PHAX: variants seen among roughly 807,000 people sequenced by gnomAD.
The protein encoded by PHAX is phosphorylated adapter RNA export protein.
PHAX carries 31 observed loss-of-function variants against 41.6 expected under a neutral mutation model. The observed-to-expected ratio is 0.75, with a 90% CI of 0.56 to 1.01. PHAX has a LOEUF of 1.01. Ranked by LOEUF, PHAX falls within the 50% of genes least tolerant of loss-of-function variation. The pLI, the probability that PHAX is intolerant of heterozygous loss-of-function variation, is 0.00. For missense variants in PHAX, 453 were observed against 472.9 expected (o/e 0.96, Z 0.39); for synonymous variants, 175 against 164.9 (o/e 1.06, Z -0.47).
intron 2 of PHAX, 38 bp from the exon 3 acceptor site, chr5:126,608,325 CA>C: frequency 6.3e-7 from 1 of 1,590,582 alleles, no homozygotes; most frequent in Non-Finnish European, 8.6e-7. Context: ...CAACTTTGTA[CA>C]ACAAACAAAG....
chr5:126,621,331 G>A lies in PHAX; in HGVS notation c.916-3244G>A, dbSNP rs550131059. Among the ~76,000 whole-genome samples the A allele has an allele frequency of 1.2e-4, 19 of 152,196 alleles. No homozygotes were observed. The South Asian group carries it at 3.7e-3, about 30-fold the overall frequency. Reference sequence around the variant, plus strand: ...AGCCTCCTTAGTAGCTGGGACTGTAGGGCACATGCCATCACTCTCAGCTTA... The same window carrying A: ...AGCCTCCTTAGTAGCTGGGACTGTAAGGCACATGCCATCACTCTCAGCTTA... On this transcript the variant is annotated intron_variant, in intron 4 of 4. Coordinates refer to ENST00000297540, the MANE Select transcript of PHAX (RefSeq NM_032177.4).
chr5:126,608,249 AT>A (rs1561679780), intron 2 of PHAX, 114 bp from the exon 3 acceptor site: 2 of 1,226,080 alleles, frequency 1.6e-6, no homozygotes, highest in African/African-American at 3.1e-5. Flanking sequence ...AATATTGAAG[AT>A]TTAGAAAACC....
intron 3 of PHAX, among the ~76,000 whole-genome samples, chr5:126,616,028 C>A (rs963596576): frequency 6.6e-6 from 1 of 150,432 alleles, no homozygotes; most frequent in Admixed American, 6.6e-5. Flanking sequence ...TGGTGGCTAC[C>A]CAGTAGCTCA....
intron 4 of PHAX, 26 bp downstream of exon 4, chr5:126,617,359 A>G (rs2112836204): frequency 7.2e-7 from 1 of 1,392,222 alleles, no homozygotes; most frequent in Non-Finnish European, 1.0e-6. Context: ...TCACCTCTTA[A>G]GCGCCATCAT....
rs1418097945 is a variant in PHAX, at chr5:126,624,930, T to C, written c.*86T>C. On this transcript the variant is annotated 3_prime_UTR_variant, in exon 5 of 5. Coordinates refer to ENST00000297540, the MANE Select transcript of PHAX (RefSeq NM_032177.4). ...TTACTGAGATTGCAACGTTTTGCAC[T>C]GATAAACATGAGAATCTGGAGGAAA... 4 of 1,166,548 alleles carry C rather than the reference T, an allele frequency of 3.4e-6. No individual in the cohort carries two copies. The highest frequency in any genetic ancestry group is 4.8e-6 in the Non-Finnish European group (4 of 827,802). 72.3% of individuals were successfully genotyped at this position (1,166,548 alleles called of 1,614,324 possible). A position where few individuals can be genotyped will look rare whatever the true frequency, so the allele number is the denominator to read the frequency against.
In PHAX at chr5:126,609,332, C is replaced by T. The variant is rs186681540; in HGVS notation, c.831+848C>T. Among the ~76,000 whole-genome samples the T allele has an allele frequency of 1.4e-3, 212 of 151,832 alleles. 1 individual carries two copies. Among genetic ancestry groups the T allele is most frequent in the African/African-American group, 4.8e-3 (200 of 41,396 alleles). Reference sequence around the variant, plus strand: ...CCCAGGCTGGTCTCAAACTCCTGACCTTAGGCAATCCACCCAGCTCGGCCT... The same window carrying T: ...CCCAGGCTGGTCTCAAACTCCTGACTTTAGGCAATCCACCCAGCTCGGCCT... On this transcript the variant is annotated intron_variant, in intron 3 of 4. Transcript: ENST00000297540.
At position 126,616,786 on chromosome 5, in the gene PHAX, A is replaced by G. The variant is rs188161839; in HGVS notation, c.832-464A>G. Among the ~76,000 whole-genome samples the G allele has an allele frequency of 3.6e-4, 54 of 151,872 alleles. No homozygotes were observed. In the East Asian group the frequency reaches 8.5e-3, roughly 24 times the overall value. On this transcript the variant is annotated intron_variant, in intron 3 of 4. Transcript: ENST00000297540. ...TCCCAGCTACTCAGGAGGCTGAGGC[A>G]GGAGAAACGCTTGAACCCCGGAGGG...
intron 3 of PHAX, among the ~76,000 whole-genome samples, chr5:126,614,823 C>G (rs1752159841): frequency 6.6e-6 from 1 of 152,090 alleles, no homozygotes; most frequent in South Asian, 2.1e-4. Context: ...GTGGTGCGAT[C>G]TCGGCTTACT....
In PHAX at chr5:126,604,531, C is replaced by T. The variant is rs549541211; in HGVS notation, c.710+348C>T. Among the ~76,000 whole-genome samples the T allele has an allele frequency of 3.3e-5, 5 of 152,122 alleles. No individual in the cohort carries two copies. The East Asian group carries it at 9.7e-4, about 30-fold the overall frequency. ...CCACCCGCCTTTGCCTCTCAAAGTG[C>T]TGAGATTACAGGCGTGAGCCATGGG... On this transcript the variant is annotated intron_variant, in intron 2 of 4. Coordinates refer to ENST00000297540, the MANE Select transcript of PHAX (RefSeq NM_032177.4).
In PHAX at chr5:126,624,845, G is replaced by A; in HGVS notation, c.*1G>A. On this transcript the variant is annotated 3_prime_UTR_variant, in exon 5 of 5. Transcript: ENST00000297540. ...TTCTCATGATTTGGACATCTTTTAA[G>A]TACATTTTCAACAGTTTGAGGACTA... The A allele has an allele frequency of 6.2e-7, 1 of 1,600,116 alleles. No individual in the cohort carries two copies.
Position 126,625,127 on chromosome 5 carries a change from A to G in PHAX, c.*283A>G, listed in dbSNP as rs1004203204. 5 of 299,644 alleles carry G rather than the reference A, an allele frequency of 1.7e-5. No individual in the cohort carries two copies. The Admixed American group carries it at 2.4e-4, about 15-fold the overall frequency. The allele number at this position is 299,644 out of a possible 1,614,324, so 18.6% of individuals were successfully genotyped here. A position where few individuals can be genotyped will look rare whatever the true frequency, so the allele number is the denominator to read the frequency against. The stretch of plus-strand genomic sequence containing the variant: ...GTTGATAATCAGTTTTGTCTAGGTC[A>G]TAACATACCATTTGTAAGTTTGTTT... On this transcript the variant is annotated 3_prime_UTR_variant, in exon 5 of 5. Coordinates refer to ENST00000297540, the MANE Select transcript of PHAX (RefSeq NM_032177.4).
At chr5:126,608,508 T>G in intron 3 of PHAX, 24 bp downstream of exon 3, 1 of 1,585,736 alleles carries the variant, frequency 6.3e-7, no homozygotes, top group Non-Finnish European at 8.6e-7. Context: ...ACTGTTTTTG[T>G]TTTTGTATTG....
At chr5:126,604,274 CTTTTT>C (rs57270218) in intron 2 of PHAX, 91 bp downstream of exon 2, 1,685 of 642,708 alleles carry the variant, frequency 2.6e-3, no homozygotes, top group Middle Eastern at 3.2e-3. Flanking sequence ...TGATATGTTC[CTTTTT>C]TTTTTTTTTT....
chr5:126,602,718 G>C (rs542746853), intron 1 of PHAX, among the ~76,000 whole-genome samples: 2 of 152,230 alleles, frequency 1.3e-5, no homozygotes, highest in East Asian at 3.9e-4. Flanking sequence ...AAAATATCTT[G>C]CCCAGGCTGG....
Position 126,617,501 on chromosome 5 carries a change from C to T in PHAX, c.915+168C>T, listed in dbSNP as rs563113172. On this transcript the variant is annotated intron_variant, in intron 4 of 4. Transcript: ENST00000297540. ...TTTATTTATTTATTTATTTTTGAGGCGGAGTCTCACTCTGTCACCCAGGCT... is the reference window on the plus strand; with the variant it reads ...TTTATTTATTTATTTATTTTTGAGGTGGAGTCTCACTCTGTCACCCAGGCT... Among the ~76,000 whole-genome samples, 79 of 151,914 alleles carry T rather than the reference C, an allele frequency of 5.2e-4. No homozygotes were observed. Among genetic ancestry groups the T allele is most frequent in the African/African-American group, 1.8e-3 (74 of 41,376 alleles).
At chr5:126,613,466 G>A (rs1284555013) in intron 3 of PHAX, among the ~76,000 whole-genome samples, 1 of 152,052 alleles carries the variant, frequency 6.6e-6, no homozygotes, top group Non-Finnish European at 1.5e-5. Context: ...TCACACGTGT[G>A]TAATCCTGAG....
At chr5:126,610,783 TG>T (rs1452033100) in intron 3 of PHAX, among the ~76,000 whole-genome samples, 3 of 151,540 alleles carry the variant, frequency 2.0e-5, no homozygotes, top group Non-Finnish European at 4.4e-5. Context: ...CTCAGCTCAC[TG>T]TATCCTCCAC....
At chr5:126,606,195 ATT>A (rs1751984649) in intron 2 of PHAX, among the ~76,000 whole-genome samples, 1 of 149,494 alleles carries the variant, frequency 6.7e-6, no homozygotes, top group Non-Finnish European at 1.5e-5. Context: ...TGTTTTTTTG[ATT>A]GTTTGTTTGT....
chr5:126,608,321 T>A, intron 2 of PHAX, 43 bp from the exon 3 acceptor site: 1 of 1,589,354 alleles, frequency 6.3e-7, no homozygotes. Context: ...TCTTCAACTT[T>A]GTACAACAAA....
Sources: allele counts gnomAD v4.1 joint callset (sites outside exome capture counted in the v4.1 genomes callset), GRCh38; gene constraint gnomAD v4.1.1; transcripts MANE v1.5; gene names NCBI Gene and HGNC (gene_info 2026-07-23, HGNC 2026-07-21).